The following IFT57 variants were observed in gnomAD, a reference collection of about 807,000 sequenced individuals.
IFT57 encodes intraflagellar transport protein 57 homolog.
IFT57 carries 59 observed loss-of-function variants against 56.8 expected under a neutral mutation model. That is an observed-to-expected ratio of 1.04 (90% CI 0.84 to 1.29). The LOEUF (loss-of-function observed/expected upper bound fraction) is 1.29. IFT57 is among the 50% of genes most tolerant of loss of function. IFT57 has a pLI of 0.00. For synonymous variants in IFT57, 209 were observed against 186.1 expected (o/e 1.12, Z -1.00); for missense variants, 470 against 522.1 (o/e 0.90, Z 0.97).
At chr3:108,215,687 A>T (rs1291643430) in intron 3 of IFT57, among the ~76,000 whole-genome samples, 3 of 152,204 alleles carry the variant, frequency 2.0e-5, no homozygotes, top group Non-Finnish European at 4.4e-5. Flanking sequence ...CTCAAAGGCA[A>T]TGTTCTTCTA....
chr3:108,165,609 G>C (rs1362256334), intron 8 of IFT57, 116 bp from the exon 9 acceptor site: 22 of 760,296 alleles, frequency 2.9e-5, no homozygotes, highest in Non-Finnish European at 4.7e-5. Flanking sequence ...CCTGCTCCTT[G>C]TTTGTGAATA....
chr3:108,217,837 T>G (rs146788939), intron 3 of IFT57, among the ~76,000 whole-genome samples: 59 of 152,016 alleles, frequency 3.9e-4, no homozygotes, highest in African/African-American at 1.3e-3. Context: ...TTTCTAATTA[T>G]AATCTCTATA....
intron 1 of IFT57, among the ~76,000 whole-genome samples, chr3:108,220,691 A>T (rs954800157): frequency 3.8e-5 from 5 of 131,726 alleles, no homozygotes; most frequent in Non-Finnish European, 8.3e-5. Flanking sequence ...CATCAGAATC[A>T]TCTGGAAGGC....
intron 5 of IFT57, among the ~76,000 whole-genome samples, chr3:108,198,069 C>G (rs890847343): frequency 1.3e-5 from 2 of 152,006 alleles, no homozygotes; most frequent in Non-Finnish European, 2.9e-5. Flanking sequence ...AATAATAACA[C>G]CATGAAACAG....
intron 5 of IFT57, among the ~76,000 whole-genome samples, chr3:108,202,791 C>T (rs988409937): frequency 1.3e-5 from 2 of 152,094 alleles, no homozygotes; most frequent in African/African-American, 2.4e-5. Flanking sequence ...TTTTTTAAAC[C>T]TCAAATAAAT....
At chr3:108,220,666 C>T (rs1045827257) in intron 1 of IFT57, among the ~76,000 whole-genome samples, 1 of 152,130 alleles carries the variant, frequency 6.6e-6, no homozygotes, top group Admixed American at 6.5e-5. Context: ...ACAGTGGTTC[C>T]CAAACATTAG....
intron 5 of IFT57, among the ~76,000 whole-genome samples, chr3:108,197,549 T>C (rs1024727051): frequency 6.6e-6 from 1 of 152,178 alleles, no homozygotes; most frequent in African/African-American, 2.4e-5. Flanking sequence ...CCAGTAATCT[T>C]TGGTCAAGCA....
intron 4 of IFT57, among the ~76,000 whole-genome samples, chr3:108,208,922 TA>T (rs962545528): frequency 2.6e-5 from 4 of 152,104 alleles, no homozygotes; most frequent in Non-Finnish European, 4.4e-5. Context: ...GCCCTGTGAC[TA>T]AAAATCAACA....
intron 5 of IFT57, among the ~76,000 whole-genome samples, chr3:108,200,128 A>G (rs1207834989): frequency 1.3e-5 from 2 of 152,234 alleles, no homozygotes; most frequent in Non-Finnish European, 2.9e-5. Flanking sequence ...CCTGTAGGCA[A>G]TGAAAGCCAT....
chr3:108,200,497 G>A (rs751502309), intron 5 of IFT57, among the ~76,000 whole-genome samples: 20 of 152,074 alleles, frequency 1.3e-4, no homozygotes, highest in Non-Finnish European at 2.5e-4. Context: ...AAAATACAAA[G>A]TTATAGAAGA....
At chr3:108,213,700 C>A in intron 4 of IFT57, 1 of 416,998 alleles carries the variant, frequency 2.4e-6, no homozygotes, top group Non-Finnish European at 4.3e-6. Context: ...ATATATTTCC[C>A]TGAACAGTTC....
intron 6 of IFT57, among the ~76,000 whole-genome samples, chr3:108,169,806 CA>C (rs1225481056): frequency 2.0e-5 from 3 of 152,000 alleles, no homozygotes; most frequent in East Asian, 3.9e-4. Flanking sequence ...CCACCATGAT[CA>C]AGTCAGTTTC....
At chr3:108,195,877 A>T (rs527665647) in intron 5 of IFT57, among the ~76,000 whole-genome samples, 1 of 152,254 alleles carries the variant, frequency 6.6e-6, no homozygotes, top group East Asian at 1.9e-4. Flanking sequence ...AAATATAGTT[A>T]TTTAAAACTG....
intron 5 of IFT57, among the ~76,000 whole-genome samples, chr3:108,203,664 G>A (rs112869549): frequency 6.6e-6 from 1 of 152,234 alleles, no homozygotes; most frequent in African/African-American, 2.4e-5. Context: ...TGATTATTGA[G>A]CAACTCCTAC....
At chr3:108,188,062 T>A (rs1229269535) in intron 6 of IFT57, among the ~76,000 whole-genome samples, 1 of 152,018 alleles carries the variant, frequency 6.6e-6, no homozygotes, top group Non-Finnish European at 1.5e-5. Context: ...ACATTAGGTA[T>A]ATCTCCTAAT....
At chr3:108,221,990 AG>A (rs890392298) in intron 1 of IFT57, 120 bp downstream of exon 1, 4 of 1,486,916 alleles carry the variant, frequency 2.7e-6, no homozygotes. Context: ...TTCCCTGGCT[AG>A]GAAGACGGAG....
rs143996667 is a variant in IFT57 at position 108,219,511 on chromosome 3, C to A, written c.274G>T (p.Ala92Ser). ...CGTCCCGCTTTATTAATCAACCAAG[C>A]AGCAAGAGTACAAAACATGTAGAAC... is the stretch of plus-strand genomic sequence containing the variant. ...EQFYMFCTLAAWLINKAGRPF... is the reference protein window; with the variant it reads ...EQFYMFCTLASWLINKAGRPF... Residue 92 changes from alanine (A) to serine (S), a missense_variant, in exon 2 of 11, where the codon GCT (alanine) becomes TCT (serine). Physicochemically the swap from Ala to Ser is moderately conservative, Grantham distance 99 (BLOSUM62 1). Coordinates refer to ENST00000264538, the MANE Select transcript of IFT57 (RefSeq NM_018010.4). 1.3e-4 allele frequency: 202 copies of A among 1,613,820 alleles called. No individual in the cohort carries two copies. The highest frequency in any genetic ancestry group is 2.2e-4 in the Admixed American group (13 of 59,996).
chr3:108,174,995 G>T (rs960394414), intron 6 of IFT57, among the ~76,000 whole-genome samples: 7 of 151,768 alleles, frequency 4.6e-5, no homozygotes, highest in Non-Finnish European at 8.8e-5. Context: ...AATCAGATAG[G>T]CTAATTGACT....
At chr3:108,163,348 T>C (rs1270657373) in intron 10 of IFT57, among the ~76,000 whole-genome samples, 1 of 152,106 alleles carries the variant, frequency 6.6e-6, no homozygotes, top group African/African-American at 2.4e-5. Context: ...AAAGTGAAGC[T>C]CATTTGATGA....
Sources: gnomAD v4.1 joint callset for allele counts (sites outside exome capture counted in the v4.1 genomes callset) on GRCh38, gnomAD v4.1.1 for gene constraint, MANE v1.5 for transcripts, NCBI Gene and HGNC (gene_info 2026-07-23, HGNC 2026-07-21) for gene names.